KCNAB1: variants seen among roughly 807,000 people sequenced by gnomAD.
KCNAB1 encodes the protein voltage-gated potassium channel subunit beta-1.
In KCNAB1, 35 loss-of-function variants were observed where a neutral mutation model predicts 64.6. The observed-to-expected ratio is 0.54, with a 90% confidence interval of 0.41 to 0.72. The LOEUF is 0.72. KCNAB1 is among the 30% of genes least tolerant of loss of function. KCNAB1 has a pLI of 0.00. For missense variants in KCNAB1, 401 were observed against 512.9 expected (o/e 0.78, Z 2.11); for synonymous variants, 177 against 183.8 (o/e 0.96, Z 0.30).
At chr3:156,491,364 T>G (rs1205364650) in intron 8 of KCNAB1, among the ~76,000 whole-genome samples, 1 of 152,112 alleles carries the variant, frequency 6.6e-6, no homozygotes, top group Non-Finnish European at 1.5e-5. Flanking sequence ...GGAACTGAGT[T>G]TCTTATCAGC....
At chr3:156,520,183 A>G (rs1717845723) in intron 11 of KCNAB1, among the ~76,000 whole-genome samples, 1 of 152,230 alleles carries the variant, frequency 6.6e-6, no homozygotes, top group Admixed American at 6.5e-5. Context: ...TAACAAAATC[A>G]ATAAAGTCTG....
At chr3:156,526,057 C>G (rs1383720291) in intron 12 of KCNAB1, among the ~76,000 whole-genome samples, 1 of 152,180 alleles carries the variant, frequency 6.6e-6, no homozygotes, top group Non-Finnish European at 1.5e-5. Context: ...GTGCCCTACA[C>G]AGGTATACCA....
intron 1 of KCNAB1, among the ~76,000 whole-genome samples, chr3:156,285,363 A>T (rs754803592): frequency 1.3e-5 from 2 of 152,242 alleles, no homozygotes; most frequent in Non-Finnish European, 2.9e-5. Context: ...TAATTTAGGA[A>T]AAACTAATGA....
At chr3:156,422,361 T>A (rs1715519231) in intron 2 of KCNAB1, among the ~76,000 whole-genome samples, 1 of 152,196 alleles carries the variant, frequency 6.6e-6, no homozygotes, top group South Asian at 2.1e-4. Flanking sequence ...AGCTGTTCTG[T>A]GACCTAAGTC....
intron 1 of KCNAB1, among the ~76,000 whole-genome samples, chr3:156,410,504 A>G (rs1714573480): frequency 6.6e-6 from 1 of 152,216 alleles, no homozygotes; most frequent in Non-Finnish European, 1.5e-5. Flanking sequence ...AAATTTGCAT[A>G]GAGTGAAATT....
intron 1 of KCNAB1, among the ~76,000 whole-genome samples, chr3:156,162,066 C>A (rs1057414741): frequency 1.3e-5 from 2 of 152,068 alleles, no homozygotes; most frequent in Non-Finnish European, 2.9e-5. Flanking sequence ...TAAGAATTCA[C>A]AAGACTTTAG....
chr3:156,339,609 G>A lies in KCNAB1; in HGVS notation c.276-82007G>A, dbSNP rs1048438558. ...CTACTTCAATCCATGCAAAAGGCCAGCCTGTTTTGTGATAATAATACCTGT... is the reference window on the plus strand; with the variant it reads ...CTACTTCAATCCATGCAAAAGGCCAACCTGTTTTGTGATAATAATACCTGT... On this transcript the variant is annotated intron_variant, in intron 1 of 13. Transcript: ENST00000490337. Among the ~76,000 whole-genome samples, 5 of 152,220 alleles carry A rather than the reference G, an allele frequency of 3.3e-5. No homozygotes were observed. The East Asian group carries it at 9.6e-4, about 29-fold the overall frequency.
At chr3:156,262,173 C>T (rs1718469384) in intron 1 of KCNAB1, among the ~76,000 whole-genome samples, 1 of 151,842 alleles carries the variant, frequency 6.6e-6, no homozygotes, top group Non-Finnish European at 1.5e-5. Flanking sequence ...CCTTTCAAGT[C>T]TGGGCATCTT....
chr3:156,361,609 GA>G (rs1725619955), intron 1 of KCNAB1, among the ~76,000 whole-genome samples: 1 of 152,212 alleles, frequency 6.6e-6, no homozygotes, highest in Non-Finnish European at 1.5e-5. Context: ...GCCTGGCACA[GA>G]AAAGGCTCTC....
chr3:156,357,351 A>C (rs112095479), intron 1 of KCNAB1, among the ~76,000 whole-genome samples: 1 of 152,248 alleles, frequency 6.6e-6, no homozygotes, highest in Non-Finnish European at 1.5e-5. Flanking sequence ...AAAGGAAGTC[A>C]TAATTTTTGA....
intron 1 of KCNAB1, among the ~76,000 whole-genome samples, chr3:156,314,401 ATTATCTCCATT>A (rs1391068289): frequency 6.6e-6 from 1 of 152,168 alleles, no homozygotes; most frequent in African/African-American, 2.4e-5. Context: ...GGTTAGTGCT[ATTATCTCCATT>A]TTATAGATAA....
chr3:156,366,532 A>G (rs1413019853), intron 1 of KCNAB1, among the ~76,000 whole-genome samples: 3 of 152,206 alleles, frequency 2.0e-5, no homozygotes, highest in Non-Finnish European at 4.4e-5. Context: ...GTCAGGCGTG[A>G]TGGCCCCCAC....
chr3:156,129,111 G>A (rs542255398), intron 1 of KCNAB1, among the ~76,000 whole-genome samples: 1 of 152,240 alleles, frequency 6.6e-6, no homozygotes, highest in East Asian at 1.9e-4. Context: ...ATCCTTCAGT[G>A]AAGGAGAGTG....
chr3:156,533,768 A>C (rs912945122), intron 13 of KCNAB1, among the ~76,000 whole-genome samples: 3 of 152,052 alleles, frequency 2.0e-5, no homozygotes, highest in African/African-American at 7.2e-5. Context: ...TTGGCAGAAG[A>C]GGGAGGAATT....
chr3:156,291,515 C>T (rs1720418642), intron 1 of KCNAB1: 18 of 1,072,520 alleles, frequency 1.7e-5, no homozygotes, highest in Non-Finnish European at 2.0e-5. Context: ...CGCGGACCGG[C>T]TCCGCGAAGG....
chr3:156,517,526 A>C (rs891388626), intron 11 of KCNAB1, among the ~76,000 whole-genome samples: 4 of 152,244 alleles, frequency 2.6e-5, no homozygotes, highest in Non-Finnish European at 5.9e-5. Flanking sequence ...AGACAGACTA[A>C]AAGCATCTTA....
chr3:156,295,003 G>T (rs893712026), intron 1 of KCNAB1, among the ~76,000 whole-genome samples: 1 of 152,162 alleles, frequency 6.6e-6, no homozygotes, highest in Non-Finnish European at 1.5e-5. Context: ...GGTACACAAA[G>T]GTGCAGAAGC....
chr3:156,143,323 A>G (rs772779241), intron 1 of KCNAB1: 6 of 1,612,560 alleles, frequency 3.7e-6, no homozygotes, highest in South Asian at 3.3e-5. Context: ...TGTGAGGCCC[A>G]GTGGAGCAGC....
chr3:156,333,398 T>TAC, intron 1 of KCNAB1, among the ~76,000 whole-genome samples: 1 of 151,702 alleles, frequency 6.6e-6, no homozygotes, highest in African/African-American at 2.4e-5. Context: ...TGACATACTA[T>TAC]ACACATTGAC....
Sources: gnomAD v4.1 joint callset for allele counts (sites outside exome capture counted in the v4.1 genomes callset) on GRCh38, gnomAD v4.1.1 for gene constraint, MANE v1.5 for transcripts, NCBI Gene and HGNC (gene_info 2026-07-23, HGNC 2026-07-21) for gene names.